Variants in MALAT1 observed in about 807,000 individuals in gnomAD.
MALAT1 encodes the protein metastasis associated lung adenocarcinoma transcript 1, also known as hepcarcin.
chr11:65,500,808 A>G (rs752325272), exon 3 of MALAT1: 1 of 518,900 alleles, frequency 1.9e-6, no homozygotes, highest in Non-Finnish European at 3.8e-6. Flanking sequence ...TCTGGAACTT[A>G]CTTATGGTAA....
exon 3 of MALAT1, chr11:65,502,361 G>C (rs775154580): frequency 5.9e-6 from 3 of 510,868 alleles, no homozygotes; most frequent in Non-Finnish European, 1.2e-5. Context: ...ATCCTGAAGG[G>C]ATTTCTTCTG....
exon 4 of MALAT1, chr11:65,506,276 CA>C: frequency 2.2e-6 from 1 of 454,754 alleles, no homozygotes; most frequent in Non-Finnish European, 4.2e-6. Flanking sequence ...GGTAACAGCA[CA>C]ATATCTTTGA....
At position 65,499,134 on chromosome 11, in the gene MALAT1, A is replaced by AT. The variant is rs549846247; in HGVS notation, n.398dup. ...AGATAAGTTTTTTTCTCTTTGAAAG[A>AT]TAGAGATTAATACAACTACTTAAAA... On this transcript the variant is annotated non_coding_transcript_exon_variant, in exon 3 of 4. Transcript: ENST00000619449. 1.6e-3 allele frequency: 808 copies of AT among 517,554 alleles called. 8 individuals are homozygous for AT. Among genetic ancestry groups the AT allele is most frequent in the African/African-American group, 0.013 (677 of 51,964 alleles). The allele number at this position is 517,554 out of a possible 1,614,324, so 32.1% of individuals were successfully genotyped here. A position where few individuals can be genotyped will look rare whatever the true frequency, so the allele number is the denominator to read the frequency against.
exon 3 of MALAT1, chr11:65,502,874 A>G (rs762087162): frequency 8.1e-6 from 4 of 493,470 alleles, no homozygotes; most frequent in Admixed American, 4.3e-5. Context: ...GGAATCTACC[A>G]TTTTAAAGTT....
chr11:65,504,739 T>C, intron 3 of MALAT1: 1 of 519,054 alleles, frequency 1.9e-6, no homozygotes, highest in South Asian at 1.4e-5. Context: ...TGGAAATGTT[T>C]AAACAGTTCA....
exon 3 of MALAT1, chr11:65,499,896 A>C (rs1379745887): frequency 6.9e-6 from 3 of 432,504 alleles, no homozygotes; most frequent in African/African-American, 6.2e-5. Context: ...AGAGTTTCAG[A>C]TAGAAAATGA....
intron 1 of MALAT1, chr11:65,498,088 A>C (rs762194028): frequency 9.6e-6 from 5 of 518,958 alleles, no homozygotes; most frequent in South Asian, 7.0e-5. Context: ...ATACCTAACC[A>C]GGCATAACAC....
exon 3 of MALAT1, chr11:65,499,583 C>CT (rs760634477): frequency 2.2e-6 from 1 of 453,334 alleles, no homozygotes. Context: ...AACGCATTTA[C>CT]TAAACGCAGA....
chr11:65,499,697 AAGAAT>A (rs757344282), exon 3 of MALAT1: 14 of 432,096 alleles, frequency 3.2e-5, no homozygotes, highest in South Asian at 2.4e-4. Flanking sequence ...AGGCGAAGAA[AAGAAT>A]AGAGAAGATA....
intron 3 of MALAT1, chr11:65,504,711 A>G (rs1347142430): frequency 5.8e-6 from 3 of 519,026 alleles, no homozygotes; most frequent in Non-Finnish European, 1.2e-5. Context: ...ACAGTCTTCA[A>G]GAAATTAAAC....
exon 3 of MALAT1, chr11:65,499,143 A>C (rs1426960383): frequency 1.9e-6 from 1 of 514,862 alleles, no homozygotes; most frequent in Non-Finnish European, 3.9e-6. Context: ...GATAGAGATT[A>C]ATACAACTAC....
exon 2 of MALAT1, chr11:65,498,720 G>A (rs770992265): frequency 7.8e-6 from 4 of 515,378 alleles, no homozygotes; most frequent in South Asian, 4.2e-5. Flanking sequence ...GAGAACACAA[G>A]AAGTGCTTTA....
intron 2 of MALAT1, chr11:65,498,738 T>C (rs1175084756): frequency 3.9e-6 from 2 of 518,924 alleles, no homozygotes; most frequent in South Asian, 2.8e-5. Flanking sequence ...TTAAGAGGTA[T>C]TTTAAAAGTT....
At chr11:65,501,152 C>G (rs754768406) in exon 3 of MALAT1, 2 of 508,906 alleles carry the variant, frequency 3.9e-6, no homozygotes, top group East Asian at 5.5e-5. Context: ...CCTGTTTTTA[C>G]TTCCTCACCC....
chr11:65,500,339 C>CT (rs777516796), exon 3 of MALAT1: 3 of 518,458 alleles, frequency 5.8e-6, no homozygotes, highest in South Asian at 1.4e-5. Context: ...TTGCATTGGA[C>CT]TTTGAGTTAA....
exon 3 of MALAT1, chr11:65,501,905 G>A (rs1258616459): frequency 1.9e-6 from 1 of 517,350 alleles, no homozygotes; most frequent in Admixed American, 2.0e-5. Context: ...GGTGGGGTGG[G>A]TTTAGGTAAT....
chr11:65,499,042 G>T (rs536673705), exon 3 of MALAT1: 2 of 518,450 alleles, frequency 3.9e-6, no homozygotes, highest in South Asian at 2.8e-5. Flanking sequence ...CGAGCTGTGC[G>T]GTAGGCATTG....
At chr11:65,498,169 G>A in intron 1 of MALAT1, 1 of 518,916 alleles carries the variant, frequency 1.9e-6, no homozygotes. Context: ...GTGTGTCCCT[G>A]ACTGGCTGCC....
At chr11:65,502,652 C>T (rs1333693523) in exon 3 of MALAT1, 1 of 478,810 alleles carries the variant, frequency 2.1e-6, no homozygotes, top group Non-Finnish European at 4.0e-6. Context: ...TTTCAGATAA[C>T]ATCTTCTGAG....
Sources: allele counts gnomAD v4.1 joint callset, GRCh38; gene constraint gnomAD v4.1.1; transcripts MANE v1.5; gene names NCBI Gene and HGNC (gene_info 2026-07-23, HGNC 2026-07-21).